The following LAMTOR3 variants were observed in gnomAD, a reference collection of about 807,000 sequenced individuals.
LAMTOR3 encodes the protein ragulator complex protein LAMTOR3.
Under a neutral mutation model 20.3 loss-of-function variants are expected in LAMTOR3, and 14 were observed. The ratio of observed to expected loss-of-function variants is 0.69; its 90% CI spans 0.46 to 1.08. The LOEUF (loss-of-function observed/expected upper bound fraction) is 1.08, where lower values mean the gene tolerates loss of function less well. LAMTOR3 is among the 50% of genes least tolerant of loss of function. The pLI is 0.00. For missense variants in LAMTOR3, 125 were observed against 143.7 expected, an observed-to-expected ratio of 0.87 and a Z score of 0.67; for synonymous variants, 40 against 49.4, an observed-to-expected ratio of 0.81 and a Z score of 0.80.
At chr4:99,887,399 A>G (rs777203922) in intron 3 of LAMTOR3, 45 bp from the exon 4 acceptor site, 2 of 919,742 alleles carry the variant, frequency 2.2e-6, no homozygotes, top group South Asian at 2.6e-5. Flanking sequence ...TTAAAATATA[A>G]AATTTTAAAA....
At position 99,885,754 on chromosome 4, in the gene LAMTOR3, C is replaced by G. The variant is rs945255128; in HGVS notation, c.104-79G>C. The stretch of plus-strand genomic sequence containing the variant: ...TTTACAGCCCTTTTTTTTCATAAAC[C>G]TCTTTTTAAAATTGAACACAAAGGT... On this transcript the variant is annotated intron_variant, in intron 4 of 6. Coordinates refer to ENST00000499666, the MANE Select transcript of LAMTOR3 (RefSeq NM_021970.4). 4.9e-6 allele frequency: 6 copies of G among 1,226,878 alleles called. No individual in the cohort carries two copies. In the African/African-American group the frequency reaches 6.2e-5, roughly 13 times the overall value. 76.0% of individuals were successfully genotyped at this position (1,226,878 alleles called of 1,614,324 possible).
intron 3 of LAMTOR3, among the ~76,000 whole-genome samples, chr4:99,887,671 A>G (rs1329863614): frequency 6.6e-6 from 1 of 152,198 alleles, no homozygotes; most frequent in African/African-American, 2.4e-5. Context: ...CAGGGGCTAT[A>G]GTGACAAAAA....
In LAMTOR3 at chr4:99,881,798, GA is replaced by G. The variant is rs1724832170; in HGVS notation, c.*195del. Reference sequence around the variant, plus strand: ...GGTATCCCTAGATCTCACTAAATAAGAAAGACCCTACACCAGAAAATATAGC... The same window carrying G: ...GGTATCCCTAGATCTCACTAAATAAGAAGACCCTACACCAGAAAATATAGC... On this transcript the variant is annotated 3_prime_UTR_variant, in exon 7 of 7. Transcript: ENST00000499666. 5.5e-5 allele frequency: 30 copies of G among 548,540 alleles called. No individual in the cohort carries two copies. In the South Asian group the frequency reaches 6.5e-4, roughly 12 times the overall value. The allele number at this position is 548,540 out of a possible 1,614,324, so 34.0% of individuals were successfully genotyped here.
intron 3 of LAMTOR3, among the ~76,000 whole-genome samples, chr4:99,890,205 A>G (rs1724997515): frequency 6.6e-6 from 1 of 152,204 alleles, no homozygotes; most frequent in Non-Finnish European, 1.5e-5. Context: ...AATCAAAGAC[A>G]TCGGATTTAG....
At chr4:99,883,658 T>C (rs1018066859) in intron 6 of LAMTOR3, among the ~76,000 whole-genome samples, 2 of 151,990 alleles carry the variant, frequency 1.3e-5, no homozygotes, top group Non-Finnish European at 2.9e-5. Context: ...TTTAATAGAT[T>C]GGTCTGTAAC....
chr4:99,880,442 A>G lies in LAMTOR3; in HGVS notation c.*1552T>C, dbSNP rs1215679231. The G allele has an allele frequency of 1.3e-5, 2 of 152,092 alleles. No homozygotes were observed. The highest frequency in any genetic ancestry group is 1.3e-4 in the Admixed American group (2 of 15,252). The allele number at this position is 152,092 out of a possible 1,614,324, so 9.4% of individuals were successfully genotyped here. On this transcript the variant is annotated 3_prime_UTR_variant, in exon 7 of 7. Transcript: ENST00000499666. ...TTCCTGTCTCTACTAAAAATACACA[A>G]ATTTGCCAAGTGCGATGGTGTAAGC...
At chr4:99,892,059 T>A in intron 2 of LAMTOR3, 25 bp from the exon 3 acceptor site, 1 of 1,558,380 alleles carries the variant, frequency 6.4e-7, no homozygotes, top group Non-Finnish European at 8.6e-7. Context: ...TAAAAAATAA[T>A]GTTGTAATAA....
rs916934091 is a variant in LAMTOR3, at chr4:99,880,111, T to C, written c.*1883A>G. On this transcript the variant is annotated 3_prime_UTR_variant, in exon 7 of 7. Transcript: ENST00000499666. ...ATTATATCTCTTGCCTCTATTTTAT[T>C]TACAAAGGCTATTTTCTTGCCCATT... 6.6e-6 allele frequency: 1 copy of C among 152,138 alleles called. No homozygotes were observed. Among genetic ancestry groups the C allele is most frequent in the African/African-American group, 2.4e-5 (1 of 41,368 alleles). The allele number at this position is 152,138 out of a possible 1,614,324, so 9.4% of individuals were successfully genotyped here. A position where few individuals can be genotyped will look rare whatever the true frequency, so the allele number is the denominator to read the frequency against.
chr4:99,888,828 C>T (rs569565043), intron 3 of LAMTOR3, among the ~76,000 whole-genome samples: 1 of 152,316 alleles, frequency 6.6e-6, no homozygotes, highest in African/African-American at 2.4e-5. Flanking sequence ...GACTTTTATA[C>T]TATTTTTATC....
intron 3 of LAMTOR3, among the ~76,000 whole-genome samples, chr4:99,889,202 C>T (rs2110182275): frequency 6.6e-6 from 1 of 152,110 alleles, no homozygotes; most frequent in East Asian, 1.9e-4. Flanking sequence ...GTCTCAACAA[C>T]AACAACAAAA....
At chr4:99,883,494 T>C (rs1477994907) in intron 6 of LAMTOR3, among the ~76,000 whole-genome samples, 1 of 152,046 alleles carries the variant, frequency 6.6e-6, no homozygotes, top group African/African-American at 2.4e-5. Context: ...TACAATGGAA[T>C]TTTACTATTC....
intron 1 of LAMTOR3, 77 bp downstream of exon 1, chr4:99,894,258 T>C: frequency 2.8e-6 from 1 of 354,342 alleles, no homozygotes; most frequent in Non-Finnish European, 5.0e-6. Flanking sequence ...GAGAGGGTCC[T>C]CTCCTTCTGT....
chr4:99,891,552 CAG>C (rs2110183423), intron 3 of LAMTOR3, among the ~76,000 whole-genome samples: 1 of 152,176 alleles, frequency 6.6e-6, no homozygotes, highest in Non-Finnish European at 1.5e-5. Flanking sequence ...GCAGCTCATG[CAG>C]AGATAGCAAA....
In LAMTOR3 at chr4:99,879,017, G is replaced by A. The variant is rs960195355; in HGVS notation, c.*2977C>T. 3.8e-4 allele frequency: 57 copies of A among 149,616 alleles called. No individual in the cohort carries two copies. Among genetic ancestry groups the A allele is most frequent in the African/African-American group, 1.5e-3 (57 of 39,078 alleles). The allele number at this position is 149,616 out of a possible 1,614,324, so 9.3% of individuals were successfully genotyped here. A position where few individuals can be genotyped will look rare whatever the true frequency, so the allele number is the denominator to read the frequency against. On this transcript the variant is annotated 3_prime_UTR_variant, in exon 7 of 7. Coordinates refer to ENST00000499666, the MANE Select transcript of LAMTOR3 (RefSeq NM_021970.4). The stretch of plus-strand genomic sequence containing the variant: ...TAGAAGTGGAATTGCAGGGCAAAAG[G>A]TTATGTATATGAATTTAAAAGTTTC...
intron 3 of LAMTOR3, among the ~76,000 whole-genome samples, chr4:99,889,827 T>C (rs570933907): frequency 1.1e-3 from 162 of 152,304 alleles, no homozygotes; most frequent in African/African-American, 3.8e-3. Flanking sequence ...CCACCACAGG[T>C]AGCTTCTTTT....
At chr4:99,894,261 CCTT>C (rs1015348651) in intron 1 of LAMTOR3, 71 bp downstream of exon 1, 30 of 351,836 alleles carry the variant, frequency 8.5e-5, no homozygotes, top group East Asian at 2.9e-4. Context: ...AGGGTCCTCT[CCTT>C]CTGTTTAATC....
At chr4:99,891,193 A>C (rs1725015706) in intron 3 of LAMTOR3, among the ~76,000 whole-genome samples, 3 of 152,196 alleles carry the variant, frequency 2.0e-5, no homozygotes, top group Admixed American at 2.0e-4. Flanking sequence ...CTATTTCATC[A>C]TATCACCAGC....
At chr4:99,886,959 G>T (rs1724939820) in intron 4 of LAMTOR3, among the ~76,000 whole-genome samples, 1 of 142,594 alleles carries the variant, frequency 7.0e-6, no homozygotes, top group Admixed American at 7.0e-5. Flanking sequence ...TAGTAGGGGT[G>T]TCTGTGTGTA....
In LAMTOR3 at chr4:99,881,876, G is replaced by T; in HGVS notation, c.*118C>A. 1 of 698,700 alleles carries T rather than the reference G, an allele frequency of 1.4e-6. No homozygotes were observed. Among genetic ancestry groups the T allele is most frequent in the Non-Finnish European group, 2.5e-6 (1 of 399,240 alleles). 43.3% of individuals were successfully genotyped at this position (698,700 alleles called of 1,614,324 possible). Reference sequence around the variant, plus strand: ...ATATGCTAGCTCTTTAGTATAAGTTGGAAAAAGGGGCCCTTTCTTGAGCAC... The same window carrying T: ...ATATGCTAGCTCTTTAGTATAAGTTTGAAAAAGGGGCCCTTTCTTGAGCAC... On this transcript the variant is annotated 3_prime_UTR_variant, in exon 7 of 7. Transcript: ENST00000499666.
Sources: gnomAD v4.1 joint callset for allele counts (sites outside exome capture counted in the v4.1 genomes callset) on GRCh38, gnomAD v4.1.1 for gene constraint, MANE v1.5 for transcripts, NCBI Gene and HGNC (gene_info 2026-07-23, HGNC 2026-07-21) for gene names.